RAPGEF4: variants seen among roughly 807,000 people sequenced by gnomAD.
RAPGEF4 encodes the protein Rap guanine nucleotide exchange factor 4.
A neutral mutation model predicts 147.9 loss-of-function variants in RAPGEF4; 66 were observed. The ratio of observed to expected loss-of-function variants is 0.45; its 90% CI spans 0.37 to 0.55. RAPGEF4 has a LOEUF of 0.55. Ranked by LOEUF, RAPGEF4 falls within the 20% of genes least tolerant of loss-of-function variation. RAPGEF4 has a pLI of 0.00. For missense variants in RAPGEF4, 1,071 were observed against 1,257.3 expected (o/e 0.85, Z 2.24); for synonymous variants, 419 against 442.7 (o/e 0.95, Z 0.67).
chr2:172,953,106 A>G (rs1420011231), intron 6 of RAPGEF4, among the ~76,000 whole-genome samples: 1 of 151,954 alleles, frequency 6.6e-6, no homozygotes, highest in Non-Finnish European at 1.5e-5. Flanking sequence ...TGTCAGATAC[A>G]AATAGTCAGA....
At chr2:172,863,349 T>C (rs1575072389) in intron 4 of RAPGEF4, among the ~76,000 whole-genome samples, 1 of 152,146 alleles carries the variant, frequency 6.6e-6, no homozygotes, top group East Asian at 1.9e-4. Context: ...TTGCTGACAA[T>C]AGAATGAGAA....
intron 30 of RAPGEF4, among the ~76,000 whole-genome samples, chr2:173,050,444 A>C (rs1267615511): frequency 6.6e-6 from 1 of 151,912 alleles, no homozygotes; most frequent in Non-Finnish European, 1.5e-5. Flanking sequence ...GACCTGCAAC[A>C]CTCCCCTTCA....
chr2:172,873,561 T>G (rs937061462), intron 4 of RAPGEF4, among the ~76,000 whole-genome samples: 2 of 152,156 alleles, frequency 1.3e-5, no homozygotes, highest in Non-Finnish European at 2.9e-5. Flanking sequence ...TATGTACAAA[T>G]GCAATGATTT....
At position 172,990,850 on chromosome 2, in the gene RAPGEF4, A is replaced by T; in HGVS notation, c.1415A>T (p.Gln472Leu). The change falls in exon 15 of 31, where the codon CAA becomes CTA. Residue 472 changes from glutamine to leucine, a missense_variant. Transcript: ENST00000397081. ...ANTVRLKEHDQDVLVLEKVPA... is the reference protein window; with the variant it reads ...ANTVRLKEHDLDVLVLEKVPA... ...ACAGTCAGACTTAAAGAACATGACC[A>T]AGATGTCTTGGTGCTGGAGAAGGTC... 1.9e-6 allele frequency: 3 copies of T among 1,614,076 alleles called. No homozygotes were observed. Among genetic ancestry groups the T allele is most frequent in the Non-Finnish European group, 2.5e-6 (3 of 1,179,958 alleles).
chr2:172,737,055 G>A (rs1360186767), intron 1 of RAPGEF4, among the ~76,000 whole-genome samples: 1 of 152,218 alleles, frequency 6.6e-6, no homozygotes, highest in Non-Finnish European at 1.5e-5. Flanking sequence ...TCTTAAGTGT[G>A]ACGTGCTTTG....
intron 4 of RAPGEF4, among the ~76,000 whole-genome samples, chr2:172,873,518 A>G (rs1337358762): frequency 1.3e-5 from 2 of 152,196 alleles, no homozygotes; most frequent in Admixed American, 6.5e-5. Flanking sequence ...CTAATTCAAC[A>G]ATAACTCATA....
intron 4 of RAPGEF4, among the ~76,000 whole-genome samples, chr2:172,833,538 C>T (rs180751009): frequency 1.3e-5 from 2 of 152,094 alleles, no homozygotes; most frequent in Non-Finnish European, 2.9e-5. Context: ...TCCCTAATCA[C>T]GCATCTTTTA....
At chr2:172,790,626 T>C (rs1685719544) in intron 1 of RAPGEF4, among the ~76,000 whole-genome samples, 1 of 152,172 alleles carries the variant, frequency 6.6e-6, no homozygotes, top group African/African-American at 2.4e-5. Flanking sequence ...ACAGTCAAGG[T>C]GATCTTTCCA....
chr2:173,049,229 T>C (rs1685888219), intron 30 of RAPGEF4, among the ~76,000 whole-genome samples: 1 of 152,140 alleles, frequency 6.6e-6, no homozygotes, highest in Admixed American at 6.5e-5. Flanking sequence ...GTATAATACT[T>C]TAATATAAAA....
chr2:173,027,696 G>T (rs146353444), intron 25 of RAPGEF4, among the ~76,000 whole-genome samples: 3 of 152,278 alleles, frequency 2.0e-5, no homozygotes, highest in African/African-American at 7.2e-5. Flanking sequence ...GAATTAAATC[G>T]GTAAAATGCA....
In RAPGEF4 at chr2:173,017,605, G is replaced by A. The variant is rs145010360; in HGVS notation, c.2008+101G>A. The A allele has an allele frequency of 3.6e-4, 400 of 1,106,686 alleles. 1 individual carries two copies. The East Asian group carries it at 8.6e-3, about 24-fold the overall frequency. The allele number at this position is 1,106,686 out of a possible 1,614,324, so 68.6% of individuals were successfully genotyped here. A position where few individuals can be genotyped will look rare whatever the true frequency, so the allele number is the denominator to read the frequency against. On this transcript the variant is annotated intron_variant, in intron 21 of 30. Coordinates refer to ENST00000397081, the MANE Select transcript of RAPGEF4 (RefSeq NM_007023.4). ...CCACAGAATAGCTTCTTTTGAAGAT[G>A]CCCTGTTGCCCTCCAGATGGTTTGC... is the stretch of plus-strand genomic sequence containing the variant.
chr2:172,889,696 C>A (rs999581652), intron 4 of RAPGEF4: 2 of 234,004 alleles, frequency 8.5e-6, no homozygotes, highest in Non-Finnish European at 7.0e-6. Flanking sequence ...GACACACACA[C>A]ACACACGCTA....
Position 172,736,066 on chromosome 2 carries a change from G to A in RAPGEF4, c.65+18G>A, listed in dbSNP as rs779984931. The A allele has an allele frequency of 2.1e-6, 3 of 1,454,530 alleles. No homozygotes were observed. Among genetic ancestry groups the A allele is most frequent in the South Asian group, 1.3e-5 (1 of 76,312 alleles). 90.1% of individuals were successfully genotyped at this position (1,454,530 alleles called of 1,614,324 possible). ...GATAAAAGGTAGCTCGCCGGGGGCC[G>A]CAGCCGGGGGCCGAGCTCTGCGGTG... On this transcript the variant is annotated intron_variant, in intron 1 of 30. Transcript: ENST00000397081.
rs994135706 is a variant in RAPGEF4 at position 172,918,130 on chromosome 2, C to T, written c.517+256C>T. 1.1e-5 allele frequency: 7 copies of T among 633,202 alleles called. No homozygotes were observed. In the East Asian group the frequency reaches 2.1e-4, roughly 19 times the overall value. 39.2% of individuals were successfully genotyped at this position (633,202 alleles called of 1,614,324 possible). Reference sequence around the variant, plus strand: ...CTTTGGCATGCATAGAATACTTTCCCAAAATATCTTCATCTTATAGTGAAA... The same window carrying T: ...CTTTGGCATGCATAGAATACTTTCCTAAAATATCTTCATCTTATAGTGAAA... On this transcript the variant is annotated intron_variant, in intron 5 of 30. Transcript: ENST00000397081.
At chr2:172,961,857 C>T (rs1032897835) in intron 8 of RAPGEF4, among the ~76,000 whole-genome samples, 3 of 152,148 alleles carry the variant, frequency 2.0e-5, no homozygotes, top group African/African-American at 4.8e-5. Flanking sequence ...CAGCAGTGAA[C>T]AAAATATGCA....
chr2:172,919,419 G>A (rs549053396), intron 5 of RAPGEF4, among the ~76,000 whole-genome samples: 9 of 152,078 alleles, frequency 5.9e-5, no homozygotes, highest in East Asian at 3.9e-4. Context: ...GATCATTCCC[G>A]TTGCCCACGT....
At position 173,048,644 on chromosome 2, in the gene RAPGEF4, C is replaced by T; in HGVS notation, c.2898C>T (p.Ser966=). ...CCAGAACAGTGAGATACTACAGGAGCCAACCCTTCAGTAAGTTAAGTGCTG... is the reference window on the plus strand; with the variant it reads ...CCAGAACAGTGAGATACTACAGGAGTCAACCCTTCAGTAAGTTAAGTGCTG... ...NTARTVRYYR[S]QPFNPDAAQA... is the part of the protein sequence containing the mutation. The change falls in exon 30 of 31, where the codon AGC becomes AGT. Residue 966 remains serine (S), a synonymous_variant. Transcript: ENST00000397081. 1 of 1,614,050 alleles carries T rather than the reference C, an allele frequency of 6.2e-7. No homozygotes were observed.
intron 17 of RAPGEF4, among the ~76,000 whole-genome samples, chr2:173,010,730 A>G (rs3769232): frequency 0.26 from 40,241 of 152,158 alleles, 5,785 homozygotes; most frequent in Middle Eastern, 0.38. Flanking sequence ...GAATAGAAAC[A>G]TCAGCATCTG....
intron 16 of RAPGEF4, among the ~76,000 whole-genome samples, chr2:172,998,463 C>A (rs1693584539): frequency 6.6e-6 from 1 of 152,182 alleles, no homozygotes; most frequent in Non-Finnish European, 1.5e-5. Context: ...CCTGTAATCC[C>A]AGCACTTTGG....
Sources: allele counts gnomAD v4.1 joint callset (sites outside exome capture counted in the v4.1 genomes callset), GRCh38; gene constraint gnomAD v4.1.1; transcripts MANE v1.5; gene names NCBI Gene and HGNC (gene_info 2026-07-23, HGNC 2026-07-21).